The following RGP1 variants were observed in gnomAD, a reference collection of about 807,000 sequenced individuals.
The protein encoded by RGP1 is RAB6A-GEF complex partner protein 2.
A neutral mutation model predicts 44.5 loss-of-function variants in RGP1; 28 were observed. That is an observed-to-expected ratio of 0.63 (90% confidence interval 0.47 to 0.86). The LOEUF (loss-of-function observed/expected upper bound fraction) is 0.86, where lower values mean the gene tolerates loss of function less well. Among genes scored for constraint, RGP1 ranks in the 40% least tolerant of loss-of-function variants. RGP1 has a pLI of 0.00. For synonymous variants in RGP1, 212 were observed against 196.7 expected, an observed-to-expected ratio of 1.08 and a Z score of -0.65; for missense variants, 417 against 490.7, an observed-to-expected ratio of 0.85 and a Z score of 1.42.
chr9:35,749,993 A>G lies in RGP1; in HGVS notation c.116+122A>G, dbSNP rs1409018978. The G allele has an allele frequency of 1.1e-6, 1 of 877,030 alleles. No homozygotes were observed. Among genetic ancestry groups the G allele is most frequent in the Non-Finnish European group, 1.8e-6 (1 of 563,536 alleles). 54.3% of individuals were successfully genotyped at this position (877,030 alleles called of 1,614,324 possible). On this transcript the variant is annotated intron_variant, in intron 2 of 8. Transcript: ENST00000378078. This position sits in a 1 kb window ranked among gnomAD's most constrained non-coding sequence, Gnocchi z 4.4. ...ACCTCCTCTTGCTCACTGTGCTGTC[A>G]TTGTAGGAGAGGGCTCTTTAACAGA...
At chr9:35,765,240 T>C in the RGP1 span, among the ~76,000 whole-genome samples, 2 of 152,288 alleles carry the variant, frequency 1.3e-5, no homozygotes, top group African/African-American at 4.8e-5. Flanking sequence ...TTTCCACTTT[T>C]TTGGAAGCTG....
the RGP1 span, chr9:35,780,467 A>G: frequency 1.3e-5 from 2 of 152,266 alleles, no homozygotes. Flanking sequence ...TTTATACCTG[A>G]CCAAGCTCAA....
rs886554668 is a variant in RGP1, at chr9:35,749,642, G to C, written c.-19-95G>C. On this transcript the variant is annotated intron_variant, in intron 1 of 8. Coordinates refer to ENST00000378078, the MANE Select transcript of RGP1 (RefSeq NM_001080496.3). The surrounding 1 kb of genome is among the most constrained non-coding windows in gnomAD (Gnocchi z 4.4). ...GAGCTCCCTCGGGCACCACGGTGCT[G>C]ACCACCCCTGTCCTCAGCCCTCAGC... The C allele has an allele frequency of 4.0e-5, 31 of 769,472 alleles. 1 individual carries two copies. In the South Asian group the frequency reaches 4.6e-4, roughly 11 times the overall value. The allele number at this position is 769,472 out of a possible 1,614,324, so 47.7% of individuals were successfully genotyped here.
chr9:35,763,343 T>A (rs1055312812), downstream of RGP1, among the ~76,000 whole-genome samples: 5 of 152,216 alleles, frequency 3.3e-5, no homozygotes, highest in Admixed American at 3.3e-4. Flanking sequence ...CATCCTATTA[T>A]GAGTAATTAA....
chr9:35,769,197 T>C, the RGP1 span, among the ~76,000 whole-genome samples: 1 of 152,260 alleles, frequency 6.6e-6, no homozygotes, highest in South Asian at 2.1e-4. Flanking sequence ...CAGCCCTGGC[T>C]GCACCCATTG....
chr9:35,777,060 T>C, the RGP1 span, among the ~76,000 whole-genome samples: 1 of 150,414 alleles, frequency 6.6e-6, no homozygotes, highest in African/African-American at 2.4e-5. Flanking sequence ...GGGCCAGATA[T>C]ACCCCAACCA....
At position 35,753,605 on chromosome 9, in the gene RGP1, A is replaced by C; in HGVS notation, c.*731A>C. 2 of 1,419,104 alleles carry C rather than the reference A, an allele frequency of 1.4e-6. No homozygotes were observed. The highest frequency in any genetic ancestry group is 2.0e-6 in the Non-Finnish European group (2 of 1,012,348). 87.9% of individuals were successfully genotyped at this position (1,419,104 alleles called of 1,614,324 possible). ...ACAGCAATCTAGTCACTCCCTGGTC[A>C]TCCCTCAGTCACTCATATCAGAGTC... On this transcript the variant is annotated 3_prime_UTR_variant, in exon 9 of 9. Transcript: ENST00000378078. This position sits in a 1 kb window ranked among gnomAD's most constrained non-coding sequence, Gnocchi z 4.2.
the RGP1 span, among the ~76,000 whole-genome samples, chr9:35,782,447 T>G: frequency 6.6e-6 from 1 of 152,024 alleles, no homozygotes; most frequent in Non-Finnish European, 1.5e-5. Flanking sequence ...AGGTTTTTTG[T>G]TTTTGTTTTT....
At position 35,753,983 on chromosome 9, in the gene RGP1, G is replaced by A. The variant is rs563090444; in HGVS notation, c.*1109G>A. ...TCTCTGCTGCTCCTCCATTCCTAAC[G>A]CTTCACCCCACTTTACCTTGAGCTT... On this transcript the variant is annotated 3_prime_UTR_variant, in exon 9 of 9. Coordinates refer to ENST00000378078, the MANE Select transcript of RGP1 (RefSeq NM_001080496.3). The surrounding 1 kb of genome is among the most constrained non-coding windows in gnomAD (Gnocchi z 4.2). 63 of 1,608,082 alleles carry A rather than the reference G, an allele frequency of 3.9e-5. No homozygotes were observed. The highest frequency in any genetic ancestry group is 2.3e-4 in the Admixed American group (14 of 59,708).
the RGP1 span, among the ~76,000 whole-genome samples, chr9:35,766,801 C>A: frequency 6.6e-6 from 1 of 152,128 alleles, no homozygotes; most frequent in Admixed American, 6.5e-5. Context: ...TTATCTTCAT[C>A]TAATATTGAT....
chr9:35,779,571 C>T, the RGP1 span, among the ~76,000 whole-genome samples: 2 of 152,144 alleles, frequency 1.3e-5, no homozygotes, highest in Admixed American at 6.5e-5. Flanking sequence ...TGAGGAAGAT[C>T]GCCGGGCTTG....
chr9:35,777,688 A>T, the RGP1 span, among the ~76,000 whole-genome samples: 1 of 152,092 alleles, frequency 6.6e-6, no homozygotes, highest in Admixed American at 6.5e-5. Context: ...CTTGGATTAT[A>T]CTTTTTGTAA....
chr9:35,782,179 G>T, the RGP1 span, among the ~76,000 whole-genome samples: 1 of 151,704 alleles, frequency 6.6e-6, no homozygotes, highest in African/African-American at 2.4e-5. Context: ...TTACAGGTAG[G>T]AAATTTTATT....
chr9:35,784,704 G>A, the RGP1 span, among the ~76,000 whole-genome samples: 1 of 152,030 alleles, frequency 6.6e-6, no homozygotes, highest in South Asian at 2.1e-4. Context: ...TCCTGATCTC[G>A]TGATCCACCC....
At chr9:35,785,494 G>A in the RGP1 span, among the ~76,000 whole-genome samples, 1 of 150,276 alleles carries the variant, frequency 6.7e-6, no homozygotes, top group Admixed American at 6.7e-5. Context: ...AAAAATAACA[G>A]TGTGAAAAAC....
chr9:35,749,389 C>A lies in RGP1; in HGVS notation c.-39C>A. 1 of 550,326 alleles carries A rather than the reference C, an allele frequency of 1.8e-6. No individual in the cohort carries two copies. The highest frequency in any genetic ancestry group is 1.4e-5 in the South Asian group (1 of 72,446). The allele number at this position is 550,326 out of a possible 1,614,324, so 34.1% of individuals were successfully genotyped here. ...CAGATGAGGCCTAGGGGTGCCGATC[C>A]CTAGTGTCGACTATGCGAGGTGACT... On this transcript the variant is annotated 5_prime_UTR_variant, in exon 1 of 9. Coordinates refer to ENST00000378078, the MANE Select transcript of RGP1 (RefSeq NM_001080496.3). The surrounding 1 kb of genome is among the most constrained non-coding windows in gnomAD (Gnocchi z 4.4).
At chr9:35,787,991 C>A in the RGP1 span, among the ~76,000 whole-genome samples, 1 of 152,190 alleles carries the variant, frequency 6.6e-6, no homozygotes, top group African/African-American at 2.4e-5. Flanking sequence ...GAGGCATGAT[C>A]TGGTGTAGAA....
At position 35,752,935 on chromosome 9, in the gene RGP1, A is replaced by G. The variant is rs1322627351; in HGVS notation, c.*61A>G. 73 of 1,564,748 alleles carry G rather than the reference A, an allele frequency of 4.7e-5. No homozygotes were observed. In the East Asian group the frequency reaches 1.6e-3, roughly 34 times the overall value. On this transcript the variant is annotated 3_prime_UTR_variant, in exon 9 of 9. Coordinates refer to ENST00000378078, the MANE Select transcript of RGP1 (RefSeq NM_001080496.3). ...CTGAGAACTCAGCACCTGGACTCTA[A>G]TGGGACCCACTTTTTCCACCTGGGG...
the RGP1 span, among the ~76,000 whole-genome samples, chr9:35,789,873 G>C: frequency 7.3e-4 from 111 of 152,288 alleles, no homozygotes; most frequent in African/African-American, 2.6e-3. Flanking sequence ...TGTGGGATTG[G>C]GGGAGAGGAG....
Sources: gnomAD v4.1 joint callset for allele counts (sites outside exome capture counted in the v4.1 genomes callset) on GRCh38, gnomAD v4.1.1 for gene constraint, Gnocchi (gnomAD v3.1) non-coding constraint, MANE v1.5 for transcripts, NCBI Gene and HGNC (gene_info 2026-07-23, HGNC 2026-07-21) for gene names.